The following ABL1 variants were observed in gnomAD, a reference collection of about 807,000 sequenced individuals.
ABL1 encodes ABL proto-oncogene 1, non-receptor tyrosine kinase, also known as tyrosine-protein kinase ABL1.
A neutral mutation model predicts 94.7 loss-of-function variants in ABL1; 11 were observed. The ratio of observed to expected loss-of-function variants is 0.12; its 90% CI spans 0.07 to 0.19. The LOEUF is 0.19. Among genes scored for constraint, ABL1 ranks in the 10% least tolerant of loss-of-function variants. ABL1 has a pLI of 1.00. For synonymous variants in ABL1, 656 were observed against 622.4 expected (o/e 1.05, Z -0.80); for missense variants, 1,082 against 1,489.4 (o/e 0.73, Z 4.50).
intron 1 of ABL1, among the ~76,000 whole-genome samples, chr9:130,849,545 T>C (rs904568468): frequency 7.2e-5 from 11 of 152,254 alleles, no homozygotes; most frequent in African/African-American, 2.6e-4. Flanking sequence ...TTTGAGACGA[T>C]GTCTCACTCT....
chr9:130,803,405 C>T (rs1049633816), intron 1 of ABL1, among the ~76,000 whole-genome samples: 1 of 152,182 alleles, frequency 6.6e-6, no homozygotes, highest in Admixed American at 6.5e-5. Flanking sequence ...AATGCTTTGA[C>T]TTTTTCTATG....
In ABL1 at chr9:130,872,753, G is replaced by A; in HGVS notation, c.908-107G>A. ...GGACCATGTTGGAAGTTGGGCCCAG[G>A]ACTGAGGAGCAGAGTCAGAATCCTT... On this transcript the variant is annotated intron_variant, in intron 5 of 10. Coordinates refer to ENST00000318560, the MANE Select transcript of ABL1 (RefSeq NM_005157.6). The surrounding 1 kb of genome is among the most constrained non-coding windows in gnomAD (Gnocchi z 5.0). The A allele has an allele frequency of 8.2e-7, 1 of 1,216,810 alleles. No homozygotes were observed. Among genetic ancestry groups the A allele is most frequent in the South Asian group, 1.5e-5 (1 of 66,282 alleles). The allele number at this position is 1,216,810 out of a possible 1,614,324, so 75.4% of individuals were successfully genotyped here.
In ABL1 at chr9:130,725,778, T is replaced by TAC. The variant is rs551349983; in HGVS notation, c.136+11328_136+11329dup. Among the ~76,000 whole-genome samples, 567 of 148,902 alleles carry TAC rather than the reference T, an allele frequency of 3.8e-3. 5 individuals are homozygous for TAC. Among genetic ancestry groups the TAC allele is most frequent in the African/African-American group, 0.013 (543 of 40,914 alleles). On this transcript the variant is annotated intron_variant, in intron 1 of 10. Coordinates refer to the ABL1 transcript ENST00000372348. ...ATCCCATTGTGTGTGTATATATATA[T>TAC]ACACACCAAATTTTGTCCATCTGTT...
intron 1 of ABL1, among the ~76,000 whole-genome samples, chr9:130,723,984 G>A (rs1034910876): frequency 1.3e-5 from 2 of 151,966 alleles, no homozygotes; most frequent in Admixed American, 1.3e-4. Flanking sequence ...GCCAATTTTT[G>A]TATTTTTAGT....
chr9:130,851,472 G>A (rs1830862304), intron 1 of ABL1, among the ~76,000 whole-genome samples: 1 of 152,050 alleles, frequency 6.6e-6, no homozygotes, highest in Non-Finnish European at 1.5e-5. Context: ...ATGTTCTGTT[G>A]GTTTATCCCA....
chr9:130,881,885 AAAC>A (rs1184209277), intron 10 of ABL1, among the ~76,000 whole-genome samples: 26 of 150,134 alleles, frequency 1.7e-4, no homozygotes, highest in South Asian at 4.2e-4. Context: ...AGTAAAAAAA[AAAC>A]AAAAAAAAAC....
At chr9:130,744,560 C>G (rs1345401274) in intron 1 of ABL1, among the ~76,000 whole-genome samples, 1 of 151,288 alleles carries the variant, frequency 6.6e-6, no homozygotes, top group Non-Finnish European at 1.5e-5. Flanking sequence ...AAGGATAAAA[C>G]TGTCTTTTCT....
chr9:130,792,173 TG>T (rs772593877), intron 1 of ABL1, among the ~76,000 whole-genome samples: 6 of 152,180 alleles, frequency 3.9e-5, no homozygotes, highest in Non-Finnish European at 7.3e-5. Flanking sequence ...GGGCTCATTT[TG>T]GGAGAAGGCC....
Position 130,859,780 on chromosome 9 carries a change from G to A in ABL1, c.550-2983G>A, listed in dbSNP as rs914111816. 9.1e-5 allele frequency among the ~76,000 whole-genome samples: 13 copies of A among 142,280 alleles called. 1 individual carries two copies. The highest frequency in any genetic ancestry group is 4.5e-4 in the South Asian group (2 of 4,422). 93.3% of individuals were successfully genotyped at this position (142,280 alleles called of 152,430 possible). A position where few individuals can be genotyped will look rare whatever the true frequency, so the allele number is the denominator to read the frequency against. ...ATTGCAACCTGCGCCTCCCAGGTTC[G>A]AGCGATTCTCCTGCATCAGCCTCTC... On this transcript the variant is annotated intron_variant, in intron 3 of 10. Transcript: ENST00000318560.
intron 4 of ABL1, among the ~76,000 whole-genome samples, chr9:130,870,436 G>A (rs774978500): frequency 5.9e-5 from 9 of 152,142 alleles, no homozygotes; most frequent in Non-Finnish European, 8.8e-5. Context: ...CACTTGCTTC[G>A]AAAGCTTCCT....
At chr9:130,866,596 T>C (rs193285541) in intron 4 of ABL1, among the ~76,000 whole-genome samples, 85 of 152,174 alleles carry the variant, frequency 5.6e-4, no homozygotes, top group Middle Eastern at 3.4e-3. Context: ...CGCAACTCCA[T>C]AGTGAACAAG....
intron 1 of ABL1, among the ~76,000 whole-genome samples, chr9:130,802,847 T>G (rs1003574223): frequency 3.3e-5 from 5 of 152,152 alleles, no homozygotes; most frequent in Admixed American, 3.3e-4. Flanking sequence ...TTGTTTGGTT[T>G]TATCAGGTGG....
chr9:130,755,484 C>G (rs567325866), intron 1 of ABL1, among the ~76,000 whole-genome samples: 2 of 152,286 alleles, frequency 1.3e-5, no homozygotes, highest in South Asian at 4.1e-4. Context: ...TCAGTGCTTT[C>G]TGCATATGTG....
chr9:130,762,779 C>T (rs1832132095), intron 1 of ABL1, among the ~76,000 whole-genome samples: 2 of 151,812 alleles, frequency 1.3e-5, no homozygotes, highest in Non-Finnish European at 2.9e-5. Flanking sequence ...GGTGTGGTAG[C>T]GGGTGCCTGT....
chr9:130,781,611 A>G (rs1829757006), intron 1 of ABL1, among the ~76,000 whole-genome samples: 1 of 152,218 alleles, frequency 6.6e-6, no homozygotes, highest in African/African-American at 2.4e-5. Flanking sequence ...ATCTTACTGT[A>G]ACAAACACCA....
chr9:130,762,552 A>G (rs2132751938), intron 1 of ABL1, among the ~76,000 whole-genome samples: 1 of 152,194 alleles, frequency 6.6e-6, no homozygotes, highest in Middle Eastern at 3.4e-3. Context: ...GGCTTGTGCA[A>G]TAGCCTCCTT....
At chr9:130,799,601 T>C (rs747758939) in intron 1 of ABL1, among the ~76,000 whole-genome samples, 1 of 152,210 alleles carries the variant, frequency 6.6e-6, no homozygotes, top group Non-Finnish European at 1.5e-5. Flanking sequence ...TTAAAAGGTT[T>C]GATGGGATTT....
chr9:130,762,141 G>A (rs1194508848), intron 1 of ABL1, among the ~76,000 whole-genome samples: 1 of 15,832 alleles, frequency 6.3e-5, no homozygotes, highest in African/African-American at 7.2e-4. Flanking sequence ...GAAACTCCCA[G>A]CTCAAAAAAA....
chr9:130,887,045 C>T lies in ABL1; in HGVS notation c.*1362C>T, dbSNP rs1831597649. Reference sequence around the variant, plus strand: ...GCTGCCCCAGGCCGGAGCCCAGATACGGGGGCTGTGACTCTGGGCAGGGAC... The same window carrying T: ...GCTGCCCCAGGCCGGAGCCCAGATATGGGGGCTGTGACTCTGGGCAGGGAC... On this transcript the variant is annotated 3_prime_UTR_variant, in exon 11 of 11. Transcript: ENST00000318560. 11 of 232,862 alleles carry T rather than the reference C, an allele frequency of 4.7e-5. No individual in the cohort carries two copies. Among genetic ancestry groups the T allele is most frequent in the Admixed American group, 3.9e-4 (7 of 17,766 alleles). 14.4% of individuals were successfully genotyped at this position (232,862 alleles called of 1,614,324 possible).
Sources: allele counts gnomAD v4.1 joint callset (sites outside exome capture counted in the v4.1 genomes callset), GRCh38; gene constraint gnomAD v4.1.1; non-coding constraint Gnocchi (gnomAD v3.1); transcripts MANE v1.5; gene names NCBI Gene and HGNC (gene_info 2026-07-23, HGNC 2026-07-21).